The following RARB variants were observed in gnomAD, a reference collection of about 807,000 sequenced individuals.
The protein encoded by RARB is HBV-activated protein.
A neutral mutation model predicts 51.9 loss-of-function variants in RARB; 17 were observed. The observed-to-expected ratio is 0.33, with a 90% CI of 0.22 to 0.49. The LOEUF (loss-of-function observed/expected upper bound fraction) is 0.49. RARB is among the 20% of genes least tolerant of loss of function. The pLI is 0.99. For missense variants in RARB, 369 were observed against 550.8 expected, an observed-to-expected ratio of 0.67 and a Z score of 3.30; for synonymous variants, 215 against 195.4, an observed-to-expected ratio of 1.10 and a Z score of -0.84.
At chr3:24,963,205 T>C (rs950836800) in intron 2 of RARB, among the ~76,000 whole-genome samples, 1 of 151,992 alleles carries the variant, frequency 6.6e-6, no homozygotes, top group African/African-American at 2.4e-5. Flanking sequence ...CCACAGGGCA[T>C]GGTGAATCTG....
chr3:24,841,290 T>G (rs1702418786), intron 1 of RARB, among the ~76,000 whole-genome samples: 1 of 152,236 alleles, frequency 6.6e-6, no homozygotes, highest in African/African-American at 2.4e-5. Flanking sequence ...GTTTACCTGC[T>G]ATAGCTCCAG....
intron 5 of RARB, among the ~76,000 whole-genome samples, chr3:25,366,915 T>A (rs568168056): frequency 1.3e-5 from 2 of 151,352 alleles, no homozygotes; most frequent in Non-Finnish European, 2.9e-5. Flanking sequence ...AATTTAACCA[T>A]TTTTTTTTCT....
intron 2 of RARB, among the ~76,000 whole-genome samples, chr3:24,989,011 A>G (rs2125433118): frequency 6.6e-6 from 1 of 152,168 alleles, no homozygotes; most frequent in African/African-American, 2.4e-5. Context: ...TTTTTATTAG[A>G]GACAGGGTTT....
At chr3:25,272,750 C>G (rs1703284340) in intron 5 of RARB, among the ~76,000 whole-genome samples, 2 of 152,192 alleles carry the variant, frequency 1.3e-5, no homozygotes, top group Non-Finnish European at 2.9e-5. Context: ...GTCCCTGGGT[C>G]AGCCACAAGT....
At chr3:25,467,836 C>T (rs181665677) in intron 2 of RARB, among the ~76,000 whole-genome samples, 1 of 152,188 alleles carries the variant, frequency 6.6e-6, no homozygotes, top group Admixed American at 6.5e-5. Flanking sequence ...AGTTTCAGGC[C>T]CTATGCCGGG....
At chr3:25,213,490 A>ATT (rs1166735104) in intron 5 of RARB, among the ~76,000 whole-genome samples, 1 of 152,076 alleles carries the variant, frequency 6.6e-6, no homozygotes, top group Non-Finnish European at 1.5e-5. Flanking sequence ...GGAAGTTTCC[A>ATT]TTTTTGAAGC....
chr3:25,001,699 T>A (rs1697163854), intron 2 of RARB, among the ~76,000 whole-genome samples: 1 of 152,210 alleles, frequency 6.6e-6, no homozygotes, highest in South Asian at 2.1e-4. Context: ...GAAATGTTGA[T>A]AAATATTGTT....
At chr3:25,054,212 T>A (rs1394890019) in intron 2 of RARB, among the ~76,000 whole-genome samples, 1 of 152,190 alleles carries the variant, frequency 6.6e-6, no homozygotes, top group Non-Finnish European at 1.5e-5. Context: ...CAAATGTGCA[T>A]ACACTAATTA....
At chr3:24,935,291 TAAAAA>T (rs568793316) in intron 2 of RARB, among the ~76,000 whole-genome samples, 1 of 152,058 alleles carries the variant, frequency 6.6e-6, no homozygotes, top group East Asian at 1.9e-4. Flanking sequence ...CTCAAGTAGT[TAAAAA>T]AAGAAAACAG....
At position 25,039,120 on chromosome 3, in the gene RARB, T is replaced by G. The variant is rs182124990; in HGVS notation, c.-379-21005T>G. Among the ~76,000 whole-genome samples, 121 of 152,272 alleles carry G rather than the reference T, an allele frequency of 7.9e-4. 2 individuals carry two copies. Among genetic ancestry groups the G allele is most frequent in the Admixed American group, 7.9e-3 (121 of 15,286 alleles). The stretch of plus-strand genomic sequence containing the variant: ...CTCTTTCCACTTGTCTGTACAGGCT[T>G]GACAAAAATACATCAAAATAAAGCT... On this transcript the variant is annotated intron_variant, in intron 2 of 11. Coordinates refer to the RARB transcript ENST00000383772.
rs569863965 is a variant in RARB, at chr3:25,412,935, C to T, written c.179-48258C>T. Among the ~76,000 whole-genome samples the T allele has an allele frequency of 2.0e-3, 298 of 152,146 alleles. 2 individuals carry two copies. The Middle Eastern group carries it at 0.02, about 10-fold the overall frequency. ...TCAGGAGGCTGAGGCAGGAGAATCACTTGAACCCGGGAGGCGGAGGTTGTG... is the reference window on the plus strand; with the variant it reads ...TCAGGAGGCTGAGGCAGGAGAATCATTTGAACCCGGGAGGCGGAGGTTGTG... On this transcript the variant is annotated intron_variant, in intron 5 of 11. Transcript: ENST00000383772.
chr3:24,940,378 G>C (rs866672449), intron 2 of RARB, among the ~76,000 whole-genome samples: 1 of 152,154 alleles, frequency 6.6e-6, no homozygotes, highest in African/African-American at 2.4e-5. Context: ...AGGAGATTCA[G>C]TGTGGAAAGG....
intron 5 of RARB, among the ~76,000 whole-genome samples, chr3:25,586,484 A>C (rs1701394416): frequency 6.6e-6 from 1 of 152,198 alleles, no homozygotes; most frequent in South Asian, 2.1e-4. Flanking sequence ...TCAAAATTCA[A>C]ATCCCAGCAT....
chr3:24,889,088 T>TC (rs760335651), intron 2 of RARB, among the ~76,000 whole-genome samples: 2 of 152,182 alleles, frequency 1.3e-5, no homozygotes, highest in East Asian at 1.9e-4. Context: ...CAATGCACTG[T>TC]CCCCTGTGAG....
chr3:25,011,801 G>A (rs1240914315), intron 2 of RARB, among the ~76,000 whole-genome samples: 1 of 152,090 alleles, frequency 6.6e-6, no homozygotes, highest in Non-Finnish European at 1.5e-5. Flanking sequence ...ACACCTAGAA[G>A]TCTGGTGTAT....
At chr3:25,194,932 T>A (rs1384401058) in intron 5 of RARB, among the ~76,000 whole-genome samples, 1 of 151,940 alleles carries the variant, frequency 6.6e-6, no homozygotes, top group Non-Finnish European at 1.5e-5. Flanking sequence ...AAGAGTATGG[T>A]GGAAAAGGAC....
chr3:24,938,100 T>C (rs1695583401), intron 2 of RARB, among the ~76,000 whole-genome samples: 1 of 152,030 alleles, frequency 6.6e-6, no homozygotes, highest in African/African-American at 2.4e-5. Context: ...GAGGGAGGGA[T>C]GGAGAGCTTG....
chr3:24,905,531 C>T (rs1694842808), intron 2 of RARB, among the ~76,000 whole-genome samples: 1 of 152,194 alleles, frequency 6.6e-6, no homozygotes, highest in Non-Finnish European at 1.5e-5. Context: ...GCCAGTGAGA[C>T]ACTGGGGGAG....
chr3:25,419,300 C>T (rs993979134), intron 5 of RARB, among the ~76,000 whole-genome samples: 13 of 152,102 alleles, frequency 8.5e-5, no homozygotes, highest in African/African-American at 2.4e-4. Context: ...CCTCCCTGTT[C>T]TACTGTTTAC....
Sources: gnomAD v4.1 joint callset for allele counts (sites outside exome capture counted in the v4.1 genomes callset) on GRCh38, gnomAD v4.1.1 for gene constraint, MANE v1.5 for transcripts, NCBI Gene and HGNC (gene_info 2026-07-23, HGNC 2026-07-21) for gene names.